The following TRIP12 variants were observed in gnomAD, a reference collection of about 807,000 sequenced individuals.
TRIP12 encodes the protein thyroid hormone receptor interactor 12.
Under a neutral mutation model 244.2 loss-of-function variants are expected in TRIP12, and 25 were observed. That is an observed-to-expected ratio of 0.10 (90% CI 0.07 to 0.14). The LOEUF (loss-of-function observed/expected upper bound fraction) is 0.14, where lower values mean the gene tolerates loss of function less well. TRIP12 is among the 10% of genes least tolerant of loss of function. TRIP12 has a pLI of 1.00. For missense variants in TRIP12, 1,677 were observed against 2,486.4 expected (o/e 0.67, Z 6.92); for synonymous variants, 905 against 873.1 (o/e 1.04, Z -0.64).
chr2:229,830,438 T>C (rs868528681), intron 7 of TRIP12, among the ~76,000 whole-genome samples: 1 of 152,156 alleles, frequency 6.6e-6, no homozygotes. Context: ...CAGACAAAAA[T>C]ATATTAAGGT....
chr2:229,896,910 T>C (rs2068995450), intron 1 of TRIP12, among the ~76,000 whole-genome samples: 1 of 152,218 alleles, frequency 6.6e-6, no homozygotes. Flanking sequence ...GGTAGCTGTA[T>C]GTCATTACAA....
At chr2:229,909,303 T>A (rs1427064266) in intron 1 of TRIP12, among the ~76,000 whole-genome samples, 1 of 151,836 alleles carries the variant, frequency 6.6e-6, no homozygotes, top group African/African-American at 2.4e-5. Context: ...CTCAGCATTT[T>A]GGGAGGCCAC....
At chr2:229,771,494 T>C in intron 39 of TRIP12, 25 bp downstream of exon 39, 1 of 1,580,450 alleles carries the variant, frequency 6.3e-7, no homozygotes, top group Non-Finnish European at 8.7e-7. Flanking sequence ...GGTATGACCA[T>C]TTCTTTTAGA....
At chr2:229,840,970 T>C (rs532991043) in intron 4 of TRIP12, 43 bp from the exon 5 acceptor site, 2 of 1,345,854 alleles carry the variant, frequency 1.5e-6, no homozygotes, top group South Asian at 1.4e-5. Flanking sequence ...TAATGAGAAA[T>C]TATCACTAAT....
At chr2:229,787,274 G>C (rs1483151978) in intron 33 of TRIP12, among the ~76,000 whole-genome samples, 1 of 152,082 alleles carries the variant, frequency 6.6e-6, no homozygotes, top group African/African-American at 2.4e-5. Context: ...AAAGAGAAAA[G>C]AGAATTGTAG....
At chr2:229,837,388 ACTTTGGGAGGCTGAG>A (rs2055111371) in intron 5 of TRIP12, among the ~76,000 whole-genome samples, 3 of 152,152 alleles carry the variant, frequency 2.0e-5, no homozygotes, top group African/African-American at 4.8e-5. Flanking sequence ...TAACCCCAGC[ACTTTGGGAGGCTGAG>A]GCAGGTGGAT....
At chr2:229,799,472 CAG>C in intron 21 of TRIP12, 89 bp from the exon 22 acceptor site, 1 of 1,207,066 alleles carries the variant, frequency 8.3e-7, no homozygotes, top group Non-Finnish European at 1.2e-6. Flanking sequence ...ATGGCAGAAA[CAG>C]GGAGTAATAA....
chr2:229,858,626 T>C (rs2060012246), intron 4 of TRIP12, 146 bp downstream of exon 4: 1 of 684,558 alleles, frequency 1.5e-6, no homozygotes, highest in Non-Finnish European at 2.4e-6. Flanking sequence ...CTACATGCTG[T>C]TATGTACTTA....
At chr2:229,839,389 C>A (rs897451843) in intron 5 of TRIP12, among the ~76,000 whole-genome samples, 1 of 152,082 alleles carries the variant, frequency 6.6e-6, no homozygotes, top group East Asian at 1.9e-4. Flanking sequence ...TTAAAAGTGG[C>A]ATGACTGGCC....
rs566245614 is a variant in TRIP12, at chr2:229,918,486, T to G, written c.-50+3394A>C. ...AGATTCAGAAGCATTATTCCCTAAT[T>G]GTAATCTCTTACATTAAGTCAATTT... On this transcript the variant is annotated intron_variant, in intron 1 of 41. Coordinates refer to ENST00000675903, the MANE Select transcript of TRIP12 (RefSeq NM_001348323.3). Among the ~76,000 whole-genome samples the G allele has an allele frequency of 9.2e-5, 14 of 152,362 alleles. No individual in the cohort carries two copies. The East Asian group carries it at 2.5e-3, about 27-fold the overall frequency.
intron 6 of TRIP12, among the ~76,000 whole-genome samples, chr2:229,836,278 G>A (rs16826389): frequency 0.043 from 6,477 of 152,204 alleles, 469 homozygotes; most frequent in African/African-American, 0.15. Flanking sequence ...AATGTCAACA[G>A]AAACTACATT....
chr2:229,834,713 T>C (rs981706228), intron 6 of TRIP12, among the ~76,000 whole-genome samples: 8 of 151,898 alleles, frequency 5.3e-5, no homozygotes, highest in East Asian at 1.9e-4. Flanking sequence ...TGAGCTGAGA[T>C]TGCAACACAG....
intron 34 of TRIP12, among the ~76,000 whole-genome samples, chr2:229,784,145 AAAG>A (rs1217789976): frequency 4.6e-5 from 7 of 151,536 alleles, no homozygotes; most frequent in Non-Finnish European, 1.0e-4. Flanking sequence ...AAAAAAAAAA[AAAG>A]GAGGACTTAT....
intron 1 of TRIP12, among the ~76,000 whole-genome samples, chr2:229,913,646 A>G (rs1231356281): frequency 6.6e-6 from 1 of 152,186 alleles, no homozygotes; most frequent in Non-Finnish European, 1.5e-5. Context: ...AAAAATGAAA[A>G]CAAGCAAGTA....
At chr2:229,770,474 T>C (rs1014687454) in intron 39 of TRIP12, among the ~76,000 whole-genome samples, 1 of 152,104 alleles carries the variant, frequency 6.6e-6, no homozygotes, top group Non-Finnish European at 1.5e-5. Context: ...GTTAAGTTAA[T>C]CAAAAATTTA....
intron 25 of TRIP12, 46 bp downstream of exon 25, chr2:229,796,545 G>A (rs1479367485): frequency 6.8e-7 from 1 of 1,480,180 alleles, no homozygotes; most frequent in Admixed American, 2.4e-5. Flanking sequence ...ATGCATTAGT[G>A]AGCACTGATT....
intron 1 of TRIP12, among the ~76,000 whole-genome samples, chr2:229,901,996 T>C (rs1158801432): frequency 1.3e-5 from 2 of 152,188 alleles, no homozygotes; most frequent in African/African-American, 2.4e-5. Flanking sequence ...GTTATTTCTT[T>C]CAAACTTCAA....
Position 229,880,130 on chromosome 2 carries a change from T to A in TRIP12, c.-49-2A>T, listed in dbSNP as rs1452403510. On this transcript the variant is annotated splice_acceptor_variant, in intron 1 of 41. Transcript: ENST00000675903. LOFTEE classifies it low-confidence loss of function (5UTR_SPLICE). ...ACCCTTTCTAGACACTACCATTCAC[T>A]AAAAGAAAAAAAAATAAACAAAATT... 2.0e-6 allele frequency: 3 copies of A among 1,490,750 alleles called. No individual in the cohort carries two copies. The highest frequency in any genetic ancestry group is 1.4e-5 in the African/African-American group (1 of 70,070). 92.3% of individuals were successfully genotyped at this position (1,490,750 alleles called of 1,614,324 possible).
At chr2:229,770,463 CGTTAA>C (rs547667791) in intron 39 of TRIP12, among the ~76,000 whole-genome samples, 13 of 152,180 alleles carry the variant, frequency 8.5e-5, no homozygotes, top group East Asian at 1.9e-4. Flanking sequence ...GAGATTAAGA[CGTTAA>C]GTTAATCAAA....
Sources: allele counts gnomAD v4.1 joint callset (sites outside exome capture counted in the v4.1 genomes callset), GRCh38; gene constraint gnomAD v4.1.1; transcripts MANE v1.5; gene names NCBI Gene and HGNC (gene_info 2026-07-23, HGNC 2026-07-21).